AP2A2: variants seen among roughly 807,000 people sequenced by gnomAD.
AP2A2 encodes the protein adaptor related protein complex 2 subunit alpha 2.
A neutral mutation model predicts 104.2 loss-of-function variants in AP2A2; 32 were observed. That is an observed-to-expected ratio of 0.31 (90% CI 0.23 to 0.41). AP2A2 has a LOEUF of 0.41. AP2A2 is among the 10% of genes least tolerant of loss of function. The pLI, the probability that AP2A2 is intolerant of heterozygous loss-of-function variation, is 1.00. For synonymous variants in AP2A2, 539 were observed against 533.3 expected, an observed-to-expected ratio of 1.01 and a Z score of -0.15; for missense variants, 912 against 1,261.0, an observed-to-expected ratio of 0.72 and a Z score of 4.19.
At chr11:945,878 G>A (rs1054410964) in intron 1 of AP2A2, among the ~76,000 whole-genome samples, 1 of 152,200 alleles carries the variant, frequency 6.6e-6, no homozygotes, top group African/African-American at 2.4e-5. Context: ...AGCCAGTTAG[G>A]AAAAGATGGA....
intron 15 of AP2A2, among the ~76,000 whole-genome samples, chr11:1,001,613 C>G (rs532891509): frequency 2.6e-5 from 4 of 151,920 alleles, no homozygotes; most frequent in Non-Finnish European, 5.9e-5. Context: ...GGGTGCAGGT[C>G]GCCGCTTGGG....
At chr11:997,381 C>T (rs1855890067) in intron 14 of AP2A2, among the ~76,000 whole-genome samples, 1 of 152,080 alleles carries the variant, frequency 6.6e-6, no homozygotes, top group Non-Finnish European at 1.5e-5. Context: ...TCAAGTTGTC[C>T]TGCTATTGGA....
At chr11:986,115 G>A (rs543837230) in intron 8 of AP2A2, among the ~76,000 whole-genome samples, 8 of 152,366 alleles carry the variant, frequency 5.3e-5, no homozygotes, top group African/African-American at 1.7e-4. Flanking sequence ...TGGGTCTTGC[G>A]TGTGGGGCCA....
At chr11:984,084 C>A (rs373006022) in intron 6 of AP2A2, among the ~76,000 whole-genome samples, 1 of 152,188 alleles carries the variant, frequency 6.6e-6, no homozygotes, top group Non-Finnish European at 1.5e-5. Flanking sequence ...CAGGAGACAT[C>A]GGGCTGTATG....
intron 3 of AP2A2, among the ~76,000 whole-genome samples, chr11:971,796 T>C (rs1854838870): frequency 6.6e-6 from 1 of 152,176 alleles, no homozygotes; most frequent in African/African-American, 2.4e-5. Context: ...CAGTTCCTGT[T>C]GGCATCTGGC....
chr11:1,005,488 T>C (rs537913033), intron 16 of AP2A2, among the ~76,000 whole-genome samples: 4 of 152,290 alleles, frequency 2.6e-5, no homozygotes, highest in Admixed American at 6.5e-5. Context: ...AAGGTGAATG[T>C]TAGTGTATTT....
Position 1,010,868 on chromosome 11 carries a change from A to G in AP2A2, c.*243A>G, listed in dbSNP as rs964484787. 3 of 631,160 alleles carry G rather than the reference A, an allele frequency of 4.8e-6. No homozygotes were observed. The highest frequency in any genetic ancestry group is 8.5e-6 in the Non-Finnish European group (3 of 352,992). The allele number at this position is 631,160 out of a possible 1,614,324, so 39.1% of individuals were successfully genotyped here. A position where few individuals can be genotyped will look rare whatever the true frequency, so the allele number is the denominator to read the frequency against. On this transcript the variant is annotated 3_prime_UTR_variant, in exon 22 of 22. Transcript: ENST00000448903. ...AAGGTGGATCTTGGGATCAATTTTTATAAAAATCGAGACAGTTCTGTGGTT... is the reference window on the plus strand; with the variant it reads ...AAGGTGGATCTTGGGATCAATTTTTGTAAAAATCGAGACAGTTCTGTGGTT...
intron 17 of AP2A2, chr11:1,007,468 C>T (rs1051496835): frequency 2.6e-5 from 4 of 156,482 alleles, no homozygotes; most frequent in Admixed American, 6.1e-5. Flanking sequence ...GCTGAGTGGC[C>T]GGCGGCACAC....
chr11:993,440 G>A lies in AP2A2; in HGVS notation c.1550+59G>A. The A allele has an allele frequency of 7.9e-7, 1 of 1,263,442 alleles. No homozygotes were observed. Among genetic ancestry groups the A allele is most frequent in the South Asian group, 1.6e-5 (1 of 60,994 alleles). The allele number at this position is 1,263,442 out of a possible 1,614,324, so 78.3% of individuals were successfully genotyped here. A position where few individuals can be genotyped will look rare whatever the true frequency, so the allele number is the denominator to read the frequency against. On this transcript the variant is annotated intron_variant, in intron 12 of 21. Coordinates refer to ENST00000448903, the MANE Select transcript of AP2A2 (RefSeq NM_012305.4). The surrounding 1 kb of genome is among the most constrained non-coding windows in gnomAD (Gnocchi z 8.2). ...GCTCCGGCGGGCCTCTCGGTGGTCG[G>A]TGGCAAGAGGCGAGGCACCAGCTGG...
chr11:928,263 A>G (rs1033217165), intron 1 of AP2A2, among the ~76,000 whole-genome samples: 15 of 152,242 alleles, frequency 9.9e-5, no homozygotes, highest in Admixed American at 8.5e-4. Context: ...GACCACATTC[A>G]TATAACTTTT....
intron 1 of AP2A2, among the ~76,000 whole-genome samples, chr11:939,535 C>G (rs905961910): frequency 2.6e-5 from 4 of 151,696 alleles, no homozygotes; most frequent in African/African-American, 9.7e-5. Flanking sequence ...ACCTCTGCCT[C>G]TCAGGTTCAA....
chr11:934,749 A>T (rs541342160), intron 1 of AP2A2, among the ~76,000 whole-genome samples: 12 of 152,180 alleles, frequency 7.9e-5, no homozygotes, highest in Admixed American at 7.9e-4. Flanking sequence ...AAGAACTTTG[A>T]GCTCCTTAGG....
chr11:927,790 TG>T (rs1316801551), intron 1 of AP2A2, among the ~76,000 whole-genome samples: 2 of 112,196 alleles, frequency 1.8e-5, no homozygotes, highest in African/African-American at 7.1e-5. Context: ...TACTCCAGCC[TG>T]GGTGACAGAG....
chr11:974,893 G>A (rs1357686146), intron 4 of AP2A2, among the ~76,000 whole-genome samples: 1 of 152,184 alleles, frequency 6.6e-6, no homozygotes, highest in African/African-American at 2.4e-5. Flanking sequence ...GCTGAGGCAG[G>A]AGAATCGCTT....
chr11:939,490 G>A (rs143629221), intron 1 of AP2A2, among the ~76,000 whole-genome samples: 4,345 of 152,050 alleles, frequency 0.029, 213 homozygotes, highest in African/African-American at 0.097. Context: ...TGTTGCCCAG[G>A]CTGGAGTACA....
At chr11:961,604 AG>A (rs1306950010) in intron 2 of AP2A2, among the ~76,000 whole-genome samples, 1 of 119,184 alleles carries the variant, frequency 8.4e-6, no homozygotes, top group Non-Finnish European at 1.9e-5. Context: ...AAAGGGCAGA[AG>A]CAGATGGAGA....
In AP2A2 at chr11:1,006,268, C is replaced by T. The variant is rs538922866; in HGVS notation, c.2207-260C>T. Reference sequence around the variant, plus strand: ...TGATCTCACCCATCCCGTGTGGGTGCGCAGGAGGGGCCGAGGGAGGAGGGT... The same window carrying T: ...TGATCTCACCCATCCCGTGTGGGTGTGCAGGAGGGGCCGAGGGAGGAGGGT... On this transcript the variant is annotated intron_variant, in intron 16 of 21. Transcript: ENST00000448903. 3.3e-5 allele frequency among the ~76,000 whole-genome samples: 5 copies of T among 152,308 alleles called. No homozygotes were observed. The South Asian group carries it at 8.3e-4, about 25-fold the overall frequency.
rs1408317779 is a variant in AP2A2 at position 1,012,216 on chromosome 11, AAG to A, written c.*1593_*1594del. The A allele has an allele frequency of 6.6e-6, 1 of 152,258 alleles. No homozygotes were observed. Among genetic ancestry groups the A allele is most frequent in the Non-Finnish European group, 1.5e-5 (1 of 68,078 alleles). 9.4% of individuals were successfully genotyped at this position (152,258 alleles called of 1,614,324 possible). A position where few individuals can be genotyped will look rare whatever the true frequency, so the allele number is the denominator to read the frequency against. ...GCCCTCAGTGTGGCACTCCTCGTCA[AAG>A]AAAAATAAAGGCTAGAACTGCACCC... On this transcript the variant is annotated 3_prime_UTR_variant, in exon 22 of 22. Coordinates refer to ENST00000448903, the MANE Select transcript of AP2A2 (RefSeq NM_012305.4).
chr11:944,389 C>T (rs1853761895), intron 1 of AP2A2, among the ~76,000 whole-genome samples: 1 of 152,150 alleles, frequency 6.6e-6, no homozygotes, highest in Non-Finnish European at 1.5e-5. Flanking sequence ...CCAGGCACTT[C>T]CCAGGATTCT....
Sources: allele counts gnomAD v4.1 joint callset (sites outside exome capture counted in the v4.1 genomes callset), GRCh38; gene constraint gnomAD v4.1.1; non-coding constraint Gnocchi (gnomAD v3.1); transcripts MANE v1.5; gene names NCBI Gene and HGNC (gene_info 2026-07-23, HGNC 2026-07-21).